Variants in TBC1D32 observed in about 807,000 individuals in gnomAD.
TBC1D32 encodes TBC1 domain family member 32.
TBC1D32 carries 151 observed loss-of-function variants against 170.3 expected under a neutral mutation model. The ratio of observed to expected loss-of-function variants is 0.89; its 90% CI spans 0.78 to 1.01. The LOEUF is 1.01. Ranked by LOEUF, TBC1D32 falls within the 50% of genes least tolerant of loss-of-function variation. TBC1D32 has a pLI of 0.00. For synonymous variants in TBC1D32, 498 were observed against 488.0 expected (o/e 1.02, Z -0.27); for missense variants, 1,464 against 1,457.1 (o/e 1.00, Z -0.08).
In TBC1D32 at chr6:121,304,964, A is replaced by G. The variant is rs975039069; in HGVS notation, c.691-131T>C. 2.5e-5 allele frequency: 16 copies of G among 651,482 alleles called. No homozygotes were observed. The African/African-American group carries it at 3.0e-4, about 12-fold the overall frequency. 40.4% of individuals were successfully genotyped at this position (651,482 alleles called of 1,614,324 possible). On this transcript the variant is annotated intron_variant, in intron 5 of 31. Coordinates refer to ENST00000398212, the MANE Select transcript of TBC1D32 (RefSeq NM_152730.6). ...TAAACCATTCAGAAACTAGAGTCAG[A>G]ATGTACTTATTTAAAAAGGGCACAC...
chr6:121,193,481 G>A (rs1480229360), intron 22 of TBC1D32, among the ~76,000 whole-genome samples: 2 of 152,190 alleles, frequency 1.3e-5, no homozygotes, highest in East Asian at 1.9e-4. Flanking sequence ...GAAGAGCCCT[G>A]TAATTGTTCT....
chr6:121,159,209 C>T (rs1273756), intron 24 of TBC1D32, among the ~76,000 whole-genome samples: 25,804 of 152,210 alleles, frequency 0.17, 2,820 homozygotes, highest in African/African-American at 0.28. Flanking sequence ...GTTCCCATCA[C>T]ATTGTACTGC....
At chr6:121,086,216 C>A in intron 31 of TBC1D32, among the ~76,000 whole-genome samples, 1 of 152,034 alleles carries the variant, frequency 6.6e-6, no homozygotes, top group East Asian at 1.9e-4. Flanking sequence ...TCATTTAATT[C>A]TTCAACAACC....
chr6:121,297,013 C>T (rs1446417783), intron 10 of TBC1D32, among the ~76,000 whole-genome samples: 9 of 152,006 alleles, frequency 5.9e-5, no homozygotes, highest in African/African-American at 2.2e-4. Context: ...CACTTACTTA[C>T]ACTCCCTTCT....
At position 121,150,890 on chromosome 6, in the gene TBC1D32, C is replaced by CTT. The variant is rs140518198; in HGVS notation, c.2773+9118_2773+9119dup. 1.5e-3 allele frequency among the ~76,000 whole-genome samples: 225 copies of CTT among 151,866 alleles called. 3 individuals are homozygous for CTT. Among genetic ancestry groups the CTT allele is most frequent in the East Asian group, 7.2e-3 (37 of 5,166 alleles). The stretch of plus-strand genomic sequence containing the variant: ...TTTATTGTGTCTATTTGATTCTTCT[C>CTT]TTTTTTCTTCTTTAGTAGTCTGGCT... On this transcript the variant is annotated intron_variant, in intron 24 of 31. Coordinates refer to ENST00000398212, the MANE Select transcript of TBC1D32 (RefSeq NM_152730.6).
intron 12 of TBC1D32, among the ~76,000 whole-genome samples, chr6:121,288,566 C>A (rs557369673): frequency 6.6e-6 from 1 of 152,208 alleles, no homozygotes; most frequent in East Asian, 1.9e-4. Context: ...CCGAATTCTA[C>A]CAGAGGTACA....
chr6:121,105,535 A>T (rs533248732), intron 30 of TBC1D32, among the ~76,000 whole-genome samples: 4 of 152,100 alleles, frequency 2.6e-5, no homozygotes, highest in African/African-American at 9.6e-5. Context: ...AGAAAGAAGG[A>T]TCTGTGGCTG....
chr6:121,245,656 G>A (rs1026677314), intron 17 of TBC1D32, among the ~76,000 whole-genome samples: 4 of 152,058 alleles, frequency 2.6e-5, no homozygotes, highest in Non-Finnish European at 5.9e-5. Flanking sequence ...TCATGGGAAC[G>A]GAGCATGGAT....
chr6:121,218,243 A>G (rs765182495), intron 21 of TBC1D32, among the ~76,000 whole-genome samples: 2 of 152,198 alleles, frequency 1.3e-5, no homozygotes, highest in Non-Finnish European at 2.9e-5. Flanking sequence ...CAAGAAGTAA[A>G]TAATGCCACA....
Position 121,246,564 on chromosome 6 carries a change from G to C in TBC1D32, c.2019-4225C>G, listed in dbSNP as rs79890043. On this transcript the variant is annotated intron_variant, in intron 17 of 31. Transcript: ENST00000398212. ...CTCTGAAATGCCAGGTAAATAATTC[G>C]GGAGGTTGACTATTAAGCTACTCAA... 7.5e-3 allele frequency among the ~76,000 whole-genome samples: 1,142 copies of C among 151,802 alleles called. 16 individuals carry two copies. Among genetic ancestry groups the C allele is most frequent in the African/African-American group, 0.026 (1,070 of 41,408 alleles).
intron 30 of TBC1D32, among the ~76,000 whole-genome samples, chr6:121,098,198 T>C (rs1015546177): frequency 1.6e-5 from 2 of 126,204 alleles, no homozygotes; most frequent in Admixed American, 7.3e-5. Flanking sequence ...AGTAGAATAA[T>C]AATAATAATA....
chr6:121,112,922 C>T (rs1433741930), intron 28 of TBC1D32, 140 bp downstream of exon 28: 8 of 662,264 alleles, frequency 1.2e-5, no homozygotes, highest in African/African-American at 3.8e-5. Context: ...GAATAAAATA[C>T]TGTAAGAATA....
chr6:121,131,769 C>T lies in TBC1D32; in HGVS notation c.2774-17G>A. ...GATCATTGTCTAATCAGAAAGATAA[C>T]ATACTATTATAATAAGACATGCTAG... On this transcript the variant is annotated splice_polypyrimidine_tract_variant and intron_variant, in intron 24 of 31. Coordinates refer to ENST00000398212, the MANE Select transcript of TBC1D32 (RefSeq NM_152730.6). The T allele has an allele frequency of 1.3e-6, 2 of 1,559,408 alleles. No homozygotes were observed. The highest frequency in any genetic ancestry group is 8.8e-7 in the Non-Finnish European group (1 of 1,138,252).
chr6:121,120,102 A>T (rs1780104441), intron 26 of TBC1D32, among the ~76,000 whole-genome samples: 1 of 152,152 alleles, frequency 6.6e-6, no homozygotes, highest in Admixed American at 6.6e-5. Flanking sequence ...AAAACAATGT[A>T]CTAGCAACAA....
chr6:121,185,643 G>A (rs752504329), intron 22 of TBC1D32, among the ~76,000 whole-genome samples: 1 of 151,988 alleles, frequency 6.6e-6, no homozygotes, highest in Non-Finnish European at 1.5e-5. Flanking sequence ...TAGTGGCAGG[G>A]TGATTACATT....
intron 22 of TBC1D32, among the ~76,000 whole-genome samples, chr6:121,177,523 T>C (rs1787940520): frequency 6.6e-6 from 1 of 152,162 alleles, no homozygotes; most frequent in African/African-American, 2.4e-5. Flanking sequence ...AGGTATTTCT[T>C]TATAGCAATG....
At chr6:121,255,548 A>G (rs989683198) in intron 16 of TBC1D32, 138 bp from the exon 17 acceptor site, 3 of 206,394 alleles carry the variant, frequency 1.5e-5, no homozygotes, top group African/African-American at 7.1e-5. Flanking sequence ...AGCACTACCC[A>G]TAAGATTTCT....
chr6:121,136,085 T>C (rs1275946851), intron 24 of TBC1D32, among the ~76,000 whole-genome samples: 1 of 152,090 alleles, frequency 6.6e-6, no homozygotes, highest in African/African-American at 2.4e-5. Context: ...TGCAGATACA[T>C]CAATTAACAG....
At chr6:121,109,647 T>A (rs906643367) in intron 29 of TBC1D32, among the ~76,000 whole-genome samples, 3 of 152,140 alleles carry the variant, frequency 2.0e-5, no homozygotes, top group African/African-American at 4.8e-5. Flanking sequence ...CAAAGTTTTT[T>A]TCTTAGTAGC....
Sources: allele counts gnomAD v4.1 joint callset (sites outside exome capture counted in the v4.1 genomes callset), GRCh38; gene constraint gnomAD v4.1.1; transcripts MANE v1.5; gene names NCBI Gene and HGNC (gene_info 2026-07-23, HGNC 2026-07-21).